SLC34A2: variants seen among roughly 807,000 people sequenced by gnomAD.
SLC34A2 encodes solute carrier family 34 member 2, also known as sodium-dependent phosphate transport protein 2B.
A neutral mutation model predicts 50.8 loss-of-function variants in SLC34A2; 41 were observed. The ratio of observed to expected loss-of-function variants is 0.81; its 90% CI spans 0.63 to 1.05. SLC34A2 has a LOEUF of 1.05. Among genes scored for constraint, SLC34A2 ranks in the 50% least tolerant of loss-of-function variants. The pLI is 0.00. For synonymous variants in SLC34A2, 401 were observed against 364.2 expected (o/e 1.10, Z -1.15); for missense variants, 879 against 876.7 (o/e 1.00, Z -0.03).
chr4:25,663,304 C>T (rs1714313214), intron 3 of SLC34A2, among the ~76,000 whole-genome samples: 1 of 152,110 alleles, frequency 6.6e-6, no homozygotes, highest in African/African-American at 2.4e-5. Flanking sequence ...AATTGGGGGT[C>T]ATTCATTCAA....
chr4:25,677,371 G>A lies in SLC34A2; in HGVS notation c.*622G>A, dbSNP rs1346014132. 1 of 153,714 alleles carries A rather than the reference G, an allele frequency of 6.5e-6. No homozygotes were observed. The highest frequency in any genetic ancestry group is 1.4e-5 in the Non-Finnish European group (1 of 69,082). 9.5% of individuals were successfully genotyped at this position (153,714 alleles called of 1,614,324 possible). A position where few individuals can be genotyped will look rare whatever the true frequency, so the allele number is the denominator to read the frequency against. On this transcript the variant is annotated 3_prime_UTR_variant, in exon 13 of 13. Transcript: ENST00000382051. ...CACGTGGACAGGTGTGCTAGTCCAG[G>A]CAGTTCACTTGCAGTTTCCTTGTCC...
At position 25,678,702 on chromosome 4, in the gene SLC34A2, T is replaced by C. The variant is rs1385281279; in HGVS notation, c.*1953T>C. On this transcript the variant is annotated 3_prime_UTR_variant, in exon 13 of 13. Coordinates refer to ENST00000382051, the MANE Select transcript of SLC34A2 (RefSeq NM_006424.3). ...CCTGATTGTAATTTTTTTTTTTTTT[T>C]TTTTACTGGTTATGGGAAGGGAGAA... 6.6e-6 allele frequency: 3 copies of C among 454,076 alleles called. No individual in the cohort carries two copies. Among genetic ancestry groups the C allele is most frequent in the Admixed American group, 3.4e-5 (1 of 29,796 alleles). 28.1% of individuals were successfully genotyped at this position (454,076 alleles called of 1,614,324 possible).
intron 8 of SLC34A2, 33 bp downstream of exon 8, chr4:25,670,866 GTGAACCTTTGCATC>G (rs779522882): frequency 2.0e-6 from 3 of 1,517,620 alleles, no homozygotes; most frequent in Non-Finnish European, 2.7e-6. Context: ...GGGGCGGGGA[GTGAACCTTTGCATC>G]TGAACATGAA....
Position 25,676,891 on chromosome 4 carries a change from C to T in SLC34A2, c.*142C>T. On this transcript the variant is annotated 3_prime_UTR_variant, in exon 13 of 13. Coordinates refer to ENST00000382051, the MANE Select transcript of SLC34A2 (RefSeq NM_006424.3). Reference sequence around the variant, plus strand: ...GAAATTGATGCAGTCCTACCTAACTCGATTCCCTTTGGCTTGGTGGTAGGC... The same window carrying T: ...GAAATTGATGCAGTCCTACCTAACTTGATTCCCTTTGGCTTGGTGGTAGGC... 1 of 1,158,110 alleles carries T rather than the reference C, an allele frequency of 8.6e-7. No homozygotes were observed. The highest frequency in any genetic ancestry group is 1.4e-5 in the South Asian group (1 of 69,262). The allele number at this position is 1,158,110 out of a possible 1,614,324, so 71.7% of individuals were successfully genotyped here. A position where few individuals can be genotyped will look rare whatever the true frequency, so the allele number is the denominator to read the frequency against.
chr4:25,655,971 G>T (rs1713858477), intron 1 of SLC34A2, 81 bp downstream of exon 1: 1 of 152,248 alleles, frequency 6.6e-6, no homozygotes, highest in Non-Finnish European at 1.5e-5. Flanking sequence ...AATACCTCTC[G>T]GTGCTGACTT....
intron 6 of SLC34A2, among the ~76,000 whole-genome samples, chr4:25,668,985 G>A (rs1714667125): frequency 6.7e-6 from 1 of 150,182 alleles, no homozygotes. Flanking sequence ...GAGATAAGAT[G>A]GAATCGAGGA....
Position 25,674,687 on chromosome 4 carries a change from C to T in SLC34A2, c.1458+58C>T. 1.9e-6 allele frequency: 3 copies of T among 1,604,936 alleles called. No individual in the cohort carries two copies. In the Admixed American group the frequency reaches 5.0e-5, roughly 27 times the overall value. On this transcript the variant is annotated intron_variant, in intron 12 of 12. Transcript: ENST00000382051. ...GGGAGTGGGACCACCCATGGTCTTG[C>T]AAACTGGTCTCTAACAAGAGCCAGG...
chr4:25,661,363 C>T (rs920817083), intron 1 of SLC34A2, among the ~76,000 whole-genome samples: 7 of 152,244 alleles, frequency 4.6e-5, no homozygotes, highest in South Asian at 2.1e-4. Context: ...AGGTAAAACA[C>T]GCAGAAGGTA....
chr4:25,672,123 C>A lies in SLC34A2; in HGVS notation c.1048+402C>A, dbSNP rs968982955. Among the ~76,000 whole-genome samples the A allele has an allele frequency of 2.0e-5, 3 of 152,228 alleles. No homozygotes were observed. In the East Asian group the frequency reaches 5.8e-4, roughly 29 times the overall value. ...GCCGAGATGGGCTGGTCACTTGAAG[C>A]CAGGAGTTTGAGACCAGCCTGGCCA... On this transcript the variant is annotated intron_variant, in intron 9 of 12. Coordinates refer to ENST00000382051, the MANE Select transcript of SLC34A2 (RefSeq NM_006424.3).
chr4:25,675,880 A>G (rs1715079984), intron 12 of SLC34A2, among the ~76,000 whole-genome samples: 1 of 152,152 alleles, frequency 6.6e-6, no homozygotes, highest in Admixed American at 6.5e-5. Flanking sequence ...TCAAGAAATA[A>G]TGGTTGCCAC....
chr4:25,672,330 C>A (rs1035115061), intron 9 of SLC34A2, among the ~76,000 whole-genome samples: 1 of 152,130 alleles, frequency 6.6e-6, no homozygotes, highest in Non-Finnish European at 1.5e-5. Flanking sequence ...GATGTGGGAC[C>A]CACATAGAAC....
intron 3 of SLC34A2, 131 bp from the exon 4 acceptor site, chr4:25,664,071 C>A (rs1714352742): frequency 3.3e-6 from 3 of 896,720 alleles, no homozygotes; most frequent in African/African-American, 1.6e-5. Flanking sequence ...GACATAAGAA[C>A]TTAACGGCTG....
Position 25,674,771 on chromosome 4 carries a change from A to T in SLC34A2, c.1458+142A>T, listed in dbSNP as rs147469369. On this transcript the variant is annotated intron_variant, in intron 12 of 12. Transcript: ENST00000382051. ...TATGTGGAGGGGAAGCCACGGGTAA[A>T]GTTTTCAGGACCTTGATATGAGAAC... The T allele has an allele frequency of 5.0e-4, 515 of 1,036,266 alleles. 11 individuals carry two copies. In the East Asian group the frequency reaches 0.012, roughly 25 times the overall value. 64.2% of individuals were successfully genotyped at this position (1,036,266 alleles called of 1,614,324 possible).
rs1459130360 is a variant in SLC34A2 at position 25,677,479 on chromosome 4, GAGAC to G, written c.*734_*737del. 6.6e-6 allele frequency: 1 copy of G among 152,256 alleles called. No homozygotes were observed. The highest frequency in any genetic ancestry group is 1.5e-5 in the Non-Finnish European group (1 of 68,100). 9.4% of individuals were successfully genotyped at this position (152,256 alleles called of 1,614,324 possible). A position where few individuals can be genotyped will look rare whatever the true frequency, so the allele number is the denominator to read the frequency against. On this transcript the variant is annotated 3_prime_UTR_variant, in exon 13 of 13. Coordinates refer to ENST00000382051, the MANE Select transcript of SLC34A2 (RefSeq NM_006424.3). Reference sequence around the variant, plus strand: ...TCACCTGCTGCTCTTGTCTTCCTAAGAGACAGAGAGTGGGGCAGATGGAGGAGAA... The same window carrying G: ...TCACCTGCTGCTCTTGTCTTCCTAAGAGAGAGTGGGGCAGATGGAGGAGAA...
At chr4:25,668,433 G>A (rs535793390) in intron 6 of SLC34A2, among the ~76,000 whole-genome samples, 10 of 152,226 alleles carry the variant, frequency 6.6e-5, no homozygotes, top group African/African-American at 1.9e-4. Flanking sequence ...CGGGTGGATC[G>A]CCTGAGGTCA....
chr4:25,676,842 G>A lies in SLC34A2; in HGVS notation c.*93G>A. 1 of 1,561,570 alleles carries A rather than the reference G, an allele frequency of 6.4e-7. No individual in the cohort carries two copies. The highest frequency in any genetic ancestry group is 1.1e-5 in the South Asian group (1 of 88,032). On this transcript the variant is annotated 3_prime_UTR_variant, in exon 13 of 13. Transcript: ENST00000382051. Reference sequence around the variant, plus strand: ...TTCTGCACCCTTTCACCACCTCGAGGAGATTTGCTCCCCATTAGCGAATGA... The same window carrying A: ...TTCTGCACCCTTTCACCACCTCGAGAAGATTTGCTCCCCATTAGCGAATGA...
intron 1 of SLC34A2, among the ~76,000 whole-genome samples, chr4:25,658,507 G>T (rs1371078445): frequency 6.6e-6 from 1 of 152,218 alleles, no homozygotes; most frequent in African/African-American, 2.4e-5. Context: ...GTGACTGCCA[G>T]GTACCCTACA....
At chr4:25,672,757 T>C (rs1338548777) in intron 9 of SLC34A2, among the ~76,000 whole-genome samples, 1 of 151,518 alleles carries the variant, frequency 6.6e-6, no homozygotes, top group African/African-American at 2.4e-5. Context: ...AAAGCATACT[T>C]ATCATTAGTA....
At chr4:25,666,080 C>G (rs776360359) in intron 4 of SLC34A2, 48 bp from the exon 5 acceptor site, 5 of 1,606,150 alleles carry the variant, frequency 3.1e-6, no homozygotes, top group Non-Finnish European at 4.2e-6. Context: ...ACCTAATCCC[C>G]CTCGATCACG....
Sources: gnomAD v4.1 joint callset for allele counts (sites outside exome capture counted in the v4.1 genomes callset) on GRCh38, gnomAD v4.1.1 for gene constraint, MANE v1.5 for transcripts, NCBI Gene and HGNC (gene_info 2026-07-23, HGNC 2026-07-21) for gene names.